Variants in MILR1 observed in about 807,000 individuals in gnomAD.
MILR1 encodes the protein mast cell immunoglobulin like receptor 1, also known as allergin-1.
A neutral mutation model predicts 18.5 loss-of-function variants in MILR1; 31 were observed. The observed-to-expected ratio is 1.68, with a 90% CI of 1.26 to 2.26. The LOEUF (loss-of-function observed/expected upper bound fraction) is 2.26. Ranked by LOEUF, MILR1 falls within the 30% of genes most tolerant of loss-of-function variation. MILR1 has a pLI of 0.00. For synonymous variants in MILR1, 85 were observed against 56.2 expected (o/e 1.51, Z -2.30); for missense variants, 257 against 157.4 (o/e 1.63, Z -3.38).
At chr17:64,480,767 C>A in the MILR1 span, among the ~76,000 whole-genome samples, 1 of 152,030 alleles carries the variant, frequency 6.6e-6, no homozygotes, top group Admixed American at 6.6e-5. Context: ...AGAGGTGAGA[C>A]CTGAGCCCTA....
Position 64,465,543 on chromosome 17 carries a change from T to C in MILR1, c.853+2T>C, listed in dbSNP as rs200081783. 1.3e-3 allele frequency: 2,032 copies of C among 1,602,872 alleles called. 40 individuals are homozygous for C. In the South Asian group the frequency reaches 0.021, roughly 17 times the overall value. On this transcript the variant is annotated splice_donor_variant, in intron 6 of 9. Coordinates refer to ENST00000619286, the MANE Select transcript of MILR1 (RefSeq NM_001085423.2). LOFTEE classifies it high-confidence loss of function. ...CAAATATCCTTGAAAAACAAGCAAG[T>C]AAGAGAACTTTGTTGCGTGTTTTGG...
At chr17:64,497,229 T>C in the MILR1 span, among the ~76,000 whole-genome samples, 1 of 152,266 alleles carries the variant, frequency 6.6e-6, no homozygotes, top group Admixed American at 6.5e-5. Context: ...ATTGACTTTT[T>C]TCTTTCCTCG....
chr17:64,478,016 A>G, the MILR1 span: 1 of 1,604,130 alleles, frequency 6.2e-7, no homozygotes, highest in South Asian at 1.1e-5. Flanking sequence ...AAACAGACAC[A>G]TGAGCACAAA....
chr17:64,476,292 A>G, the MILR1 span, among the ~76,000 whole-genome samples: 4 of 152,340 alleles, frequency 2.6e-5, no homozygotes, highest in Middle Eastern at 6.8e-3. Flanking sequence ...GATATCATGT[A>G]GTGTTATTTT....
chr17:64,466,539 G>A (rs1555663272), intron 7 of MILR1, 41 bp downstream of exon 7: 5 of 1,611,812 alleles, frequency 3.1e-6, no homozygotes, highest in East Asian at 4.5e-5. Context: ...GCCCTCATGC[G>A]CTTAGAAATT....
the MILR1 span, among the ~76,000 whole-genome samples, chr17:64,486,219 C>T: frequency 6.6e-6 from 1 of 152,330 alleles, no homozygotes; most frequent in East Asian, 1.9e-4. Flanking sequence ...AATTTTAAAA[C>T]TATGGTGCTT....
the MILR1 span, chr17:64,490,773 T>A: frequency 6.3e-7 from 1 of 1,589,678 alleles, no homozygotes; most frequent in African/African-American, 1.3e-5. Context: ...AAAAAATACA[T>A]AGGAGCTCCA....
chr17:64,461,539 GCT>G (rs2037432641), intron 5 of MILR1, among the ~76,000 whole-genome samples: 1 of 152,084 alleles, frequency 6.6e-6, no homozygotes, highest in South Asian at 2.1e-4. Context: ...GTGAGCCACT[GCT>G]CCCGGCTGCA....
intron 5 of MILR1, among the ~76,000 whole-genome samples, chr17:64,462,695 C>T (rs2037459792): frequency 6.7e-6 from 1 of 150,116 alleles, no homozygotes; most frequent in Non-Finnish European, 1.5e-5. Context: ...GGCTGGAGTG[C>T]AGTGGTGCAA....
chr17:64,466,662 G>C lies in MILR1; in HGVS notation c.979G>C (p.Glu327Gln), dbSNP rs1268209258. The part of the protein sequence containing the change: ...VFQEVAPREQ[E>Q]ACDSYKSGYV... ...CCAGGAGGTGGCACCAAGAGAGCAA[G>C]GTGAGCCACAGGTTGGGATAAGAGG... Residue 327 changes from glutamate to glutamine, a missense_variant and splice_region_variant, in exon 8 of 10, where the codon GAA (glutamate) becomes CAA (glutamine). Transcript: ENST00000619286. 1 of 1,604,536 alleles carries C rather than the reference G, an allele frequency of 6.2e-7. No individual in the cohort carries two copies. The highest frequency in any genetic ancestry group is 1.1e-5 in the South Asian group (1 of 89,404).
At chr17:64,488,346 G>C in the MILR1 span, among the ~76,000 whole-genome samples, 1 of 152,270 alleles carries the variant, frequency 6.6e-6, no homozygotes, top group African/African-American at 2.4e-5. Flanking sequence ...AAGGAACAAT[G>C]TCATGGAAGA....
Position 64,467,556 on chromosome 17 carries a change from A to G in MILR1, c.980-9A>G, listed in dbSNP as rs1555663680. 4.7e-6 allele frequency: 7 copies of G among 1,485,504 alleles called. No homozygotes were observed. The East Asian group carries it at 1.6e-4, about 35-fold the overall frequency. 92.0% of individuals were successfully genotyped at this position (1,485,504 alleles called of 1,614,324 possible). A position where few individuals can be genotyped will look rare whatever the true frequency, so the allele number is the denominator to read the frequency against. ...TCCTAAGTAAATTATTTTCCCTTTTATATTTCAGAAGCCTGTGATTCTTAT... is the reference window on the plus strand; with the variant it reads ...TCCTAAGTAAATTATTTTCCCTTTTGTATTTCAGAAGCCTGTGATTCTTAT... On this transcript the variant is annotated splice_polypyrimidine_tract_variant and intron_variant, in intron 8 of 9. Coordinates refer to ENST00000619286, the MANE Select transcript of MILR1 (RefSeq NM_001085423.2).
At chr17:64,467,027 TTTCTTTCTTTCTTTCTTTC>T (rs1490042201) in intron 8 of MILR1, among the ~76,000 whole-genome samples, 2 of 89,884 alleles carry the variant, frequency 2.2e-5, no homozygotes, top group Non-Finnish European at 2.7e-5. Context: ...TTTCTTTCTC[TTTCTTTCTTTCTTTCTTTC>T]TTCTTTCTTT....
chr17:64,460,767 A>C, intron 4 of MILR1, 55 bp from the exon 5 acceptor site: 1 of 470,220 alleles, frequency 2.1e-6, no homozygotes, highest in Non-Finnish European at 3.9e-6. Flanking sequence ...TTACTGGCTT[A>C]ATGTCATTGG....
chr17:64,459,439 AAAAAAG>A (rs56987856), intron 4 of MILR1, among the ~76,000 whole-genome samples: 4 of 151,402 alleles, frequency 2.6e-5, no homozygotes, highest in Admixed American at 2.0e-4. Context: ...TGTCTCAAAG[AAAAAAG>A]AAAAAGAAAA....
chr17:64,458,953 C>T (rs1023617228), intron 4 of MILR1, among the ~76,000 whole-genome samples: 6 of 152,256 alleles, frequency 3.9e-5, no homozygotes, highest in Non-Finnish European at 7.4e-5. Flanking sequence ...GGGGCGTCCA[C>T]GTGCATGCAA....
intron 3 of MILR1, among the ~76,000 whole-genome samples, chr17:64,455,904 G>A (rs1183860397): frequency 1.3e-5 from 2 of 151,980 alleles, no homozygotes; most frequent in African/African-American, 2.4e-5. Context: ...GCTAGGCATG[G>A]TGGTGGGCAC....
downstream of MILR1, among the ~76,000 whole-genome samples, chr17:64,472,465 CAAAAAAAAAAAAAAA>C (rs71158332): frequency 3.6e-4 from 5 of 13,918 alleles, no homozygotes; most frequent in Non-Finnish European, 6.8e-4. Flanking sequence ...GACTCCATCT[CAAAAAAAAAAAAAAA>C]AAAAAAAAAA....
At chr17:64,494,896 G>A in the MILR1 span, among the ~76,000 whole-genome samples, 15 of 152,190 alleles carry the variant, frequency 9.9e-5, no homozygotes, top group Admixed American at 3.3e-4. Flanking sequence ...TCTGGAGGCC[G>A]GGCGCAGTGG....
Sources: allele counts gnomAD v4.1 joint callset (sites outside exome capture counted in the v4.1 genomes callset), GRCh38; gene constraint gnomAD v4.1.1; transcripts MANE v1.5; gene names NCBI Gene and HGNC (gene_info 2026-07-23, HGNC 2026-07-21).